The following ARHGAP15 variants were observed in gnomAD, a reference collection of about 807,000 sequenced individuals.
ARHGAP15 encodes Rho GTPase activating protein 15, also known as rho GTPase-activating protein 15.
ARHGAP15 carries 51 observed loss-of-function variants against 63.7 expected under a neutral mutation model. That is an observed-to-expected ratio of 0.80 (90% CI 0.64 to 1.01). The LOEUF (loss-of-function observed/expected upper bound fraction) is 1.01. Among genes scored for constraint, ARHGAP15 ranks in the 50% least tolerant of loss-of-function variants. The pLI, the probability that ARHGAP15 is intolerant of heterozygous loss-of-function variation, is 0.00. For synonymous variants in ARHGAP15, 191 were observed against 193.8 expected (o/e 0.99, Z 0.12); for missense variants, 560 against 564.6 (o/e 0.99, Z 0.08).
At chr2:143,632,623 C>T (rs1384707846) in intron 12 of ARHGAP15, among the ~76,000 whole-genome samples, 4 of 152,066 alleles carry the variant, frequency 2.6e-5, no homozygotes, top group African/African-American at 7.2e-5. Context: ...TGTGCCTAAA[C>T]GGAACTCATA....
intron 6 of ARHGAP15, among the ~76,000 whole-genome samples, chr2:143,320,132 C>T (rs1306754740): frequency 1.3e-5 from 2 of 152,106 alleles, no homozygotes; most frequent in African/African-American, 4.8e-5. Flanking sequence ...CAGATGGACT[C>T]AATGAAAGAT....
At chr2:143,541,921 TAA>T (rs1695080165) in intron 10 of ARHGAP15, among the ~76,000 whole-genome samples, 3 of 152,214 alleles carry the variant, frequency 2.0e-5, no homozygotes, top group African/African-American at 7.2e-5. Context: ...CAGGGACCTT[TAA>T]GTCTGCAGAG....
intron 1 of ARHGAP15, among the ~76,000 whole-genome samples, chr2:143,149,573 T>C (rs903200186): frequency 2.6e-5 from 4 of 151,958 alleles, no homozygotes; most frequent in Admixed American, 2.6e-4. Context: ...TTTTGGGAAA[T>C]AGAAATATGA....
In ARHGAP15 at chr2:143,716,661, G is replaced by GA. The variant is rs201544151; in HGVS notation, c.1244+13144dup. Among the ~76,000 whole-genome samples the GA allele has an allele frequency of 5.2e-3, 793 of 152,248 alleles. 4 individuals carry two copies. Among genetic ancestry groups the GA allele is most frequent in the African/African-American group, 0.018 (745 of 41,562 alleles). ...GGAGCAAACTTCAAAGTGGAAGGGA[G>GA]AAAAAAATCAAGCAGACCTCAAGTC... is the stretch of plus-strand genomic sequence containing the variant. On this transcript the variant is annotated intron_variant, in intron 13 of 13. Coordinates refer to ENST00000295095, the MANE Select transcript of ARHGAP15 (RefSeq NM_018460.4).
At chr2:143,599,670 A>T (rs1218816337) in intron 11 of ARHGAP15, among the ~76,000 whole-genome samples, 1 of 152,182 alleles carries the variant, frequency 6.6e-6, no homozygotes. Context: ...AGACCAGAAA[A>T]CACTTTTGAT....
chr2:143,328,434 G>A (rs1056154557), intron 6 of ARHGAP15, among the ~76,000 whole-genome samples: 1 of 152,116 alleles, frequency 6.6e-6, no homozygotes. Context: ...CATGTCCTCT[G>A]CAGGGACATG....
At chr2:143,757,581 G>A (rs1480569957) in intron 13 of ARHGAP15, among the ~76,000 whole-genome samples, 2 of 151,978 alleles carry the variant, frequency 1.3e-5, no homozygotes, top group Admixed American at 1.3e-4. Flanking sequence ...CCGTATACCA[G>A]GGTGTGTGGC....
At chr2:143,634,688 C>T (rs531508484) in intron 12 of ARHGAP15, among the ~76,000 whole-genome samples, 1 of 152,092 alleles carries the variant, frequency 6.6e-6, no homozygotes, top group Non-Finnish European at 1.5e-5. Flanking sequence ...TAATATTTTG[C>T]TTTGAGAATT....
At chr2:143,493,359 A>C (rs1692671645) in intron 9 of ARHGAP15, among the ~76,000 whole-genome samples, 1 of 152,230 alleles carries the variant, frequency 6.6e-6, no homozygotes, top group Non-Finnish European at 1.5e-5. Context: ...AATACTATCA[A>C]ATCTTTGGCC....
In ARHGAP15 at chr2:143,545,038, C is replaced by T. The variant is rs182103461; in HGVS notation, c.926-11370C>T. ...TGACACTATAATTTCTCAGAAGTTT[C>T]GAAAGGCAGCAATAAGCTGAAAAGA... On this transcript the variant is annotated intron_variant, in intron 10 of 13. Transcript: ENST00000295095. Among the ~76,000 whole-genome samples, 119 of 152,230 alleles carry T rather than the reference C, an allele frequency of 7.8e-4. No homozygotes were observed. In the East Asian group the frequency reaches 0.02, roughly 26 times the overall value.
intron 6 of ARHGAP15, among the ~76,000 whole-genome samples, chr2:143,265,400 G>A (rs1486587868): frequency 6.6e-6 from 1 of 151,934 alleles, no homozygotes; most frequent in Non-Finnish European, 1.5e-5. Flanking sequence ...AAGAGCTTCT[G>A]GGGGAAAGAA....
chr2:143,523,786 C>T (rs567990079), intron 10 of ARHGAP15, among the ~76,000 whole-genome samples: 3 of 152,222 alleles, frequency 2.0e-5, no homozygotes, highest in Admixed American at 2.0e-4. Context: ...TGTACCCAAA[C>T]TATTTTAAAA....
At chr2:143,324,594 A>G (rs1167128517) in intron 6 of ARHGAP15, among the ~76,000 whole-genome samples, 2 of 152,236 alleles carry the variant, frequency 1.3e-5, no homozygotes, top group East Asian at 1.9e-4. Context: ...TTGAACGTAC[A>G]GGGTTAGCTG....
At chr2:143,608,292 G>C (rs934156405) in intron 11 of ARHGAP15, 1 of 152,148 alleles carries the variant, frequency 6.6e-6, no homozygotes, top group African/African-American at 2.4e-5. Flanking sequence ...TACTTGGTGG[G>C]GGACTGGGAG....
At chr2:143,444,399 AATC>A (rs1393846727) in intron 8 of ARHGAP15, among the ~76,000 whole-genome samples, 1 of 152,210 alleles carries the variant, frequency 6.6e-6, no homozygotes, top group African/African-American at 2.4e-5. Context: ...TTAGGCATAT[AATC>A]ATCATTCATT....
At chr2:143,380,049 C>T (rs1351804126) in intron 6 of ARHGAP15, among the ~76,000 whole-genome samples, 1 of 151,982 alleles carries the variant, frequency 6.6e-6, no homozygotes, top group African/African-American at 2.4e-5. Context: ...AAAAGAAATA[C>T]ATCAGGACTG....
At chr2:143,258,452 T>G (rs1157253812) in intron 6 of ARHGAP15, among the ~76,000 whole-genome samples, 1 of 152,120 alleles carries the variant, frequency 6.6e-6, no homozygotes, top group Non-Finnish European at 1.5e-5. Flanking sequence ...CCCACACTTA[T>G]GCATAACTGG....
At chr2:143,135,408 C>T (rs1447380532) in intron 1 of ARHGAP15, among the ~76,000 whole-genome samples, 1 of 152,104 alleles carries the variant, frequency 6.6e-6, no homozygotes, top group African/African-American at 2.4e-5. Flanking sequence ...TAATTTTGAA[C>T]TCTAAGTATA....
At chr2:143,393,391 C>G (rs1245625593) in intron 6 of ARHGAP15, among the ~76,000 whole-genome samples, 2 of 152,034 alleles carry the variant, frequency 1.3e-5, no homozygotes, top group Admixed American at 6.6e-5. Flanking sequence ...GAAAATCTCT[C>G]TAGATAATTT....
Sources: allele counts gnomAD v4.1 joint callset (sites outside exome capture counted in the v4.1 genomes callset), GRCh38; gene constraint gnomAD v4.1.1; transcripts MANE v1.5; gene names NCBI Gene and HGNC (gene_info 2026-07-23, HGNC 2026-07-21).